Variants in CCNY observed in about 807,000 individuals in gnomAD.
The protein encoded by CCNY is cyclin Y, also known as cyclin-Y.
CCNY carries 19 observed loss-of-function variants against 42.8 expected under a neutral mutation model. That is an observed-to-expected ratio of 0.44 (90% CI 0.31 to 0.65). The LOEUF (loss-of-function observed/expected upper bound fraction) is 0.65, where lower values mean the gene tolerates loss of function less well. Ranked by LOEUF, CCNY falls within the 30% of genes least tolerant of loss-of-function variation. CCNY has a pLI of 0.07. For synonymous variants in CCNY, 165 were observed against 162.7 expected (o/e 1.01, Z -0.11); for missense variants, 370 against 437.3 (o/e 0.85, Z 1.37).
At chr10:35,357,025 T>C (rs1836568234) in intron 1 of CCNY, among the ~76,000 whole-genome samples, 1 of 152,220 alleles carries the variant, frequency 6.6e-6, no homozygotes, top group Non-Finnish European at 1.5e-5. Flanking sequence ...TTTGTCTGTC[T>C]CAGGCTCTGT....
chr10:35,401,678 G>A (rs1837648189), intron 1 of CCNY, among the ~76,000 whole-genome samples: 1 of 151,954 alleles, frequency 6.6e-6, no homozygotes, highest in Non-Finnish European at 1.5e-5. Context: ...TTTCACCTGG[G>A]TGCAGGCGGG....
chr10:35,298,314 C>T (rs1206566287), intron 3 of CCNY, among the ~76,000 whole-genome samples: 1 of 152,172 alleles, frequency 6.6e-6, no homozygotes, highest in Admixed American at 6.5e-5. Context: ...TTGCAACAAT[C>T]CCAACCCAAC....
chr10:35,371,744 C>T (rs1348367200), intron 1 of CCNY, among the ~76,000 whole-genome samples: 1 of 151,990 alleles, frequency 6.6e-6, no homozygotes, highest in African/African-American at 2.4e-5. Flanking sequence ...CTGTGAGGCA[C>T]GGGGAGAAGC....
intron 7 of CCNY, among the ~76,000 whole-genome samples, chr10:35,548,507 A>T (rs991538599): frequency 1.3e-5 from 2 of 152,022 alleles, no homozygotes; most frequent in South Asian, 4.1e-4. Context: ...CATGTTGGCC[A>T]GGATGGTCTC....
intron 1 of CCNY, among the ~76,000 whole-genome samples, chr10:35,389,488 G>A (rs1248125951): frequency 6.8e-6 from 1 of 146,986 alleles, no homozygotes; most frequent in Non-Finnish European, 1.5e-5. Flanking sequence ...TTGCCAGGCT[G>A]GAGTGCAGTG....
In CCNY at chr10:35,534,974, C is replaced by CAT. The variant is rs763722293; in HGVS notation, c.579+4743_579+4744dup. Among the ~76,000 whole-genome samples the CAT allele has an allele frequency of 9.9e-4, 133 of 134,808 alleles. 1 individual carries two copies. The highest frequency in any genetic ancestry group is 2.1e-3 in the African/African-American group (76 of 35,358). 88.4% of individuals were successfully genotyped at this position (134,808 alleles called of 152,430 possible). ...ATACATACACACACACACACACACA[C>CAT]ATATATATATATAGATCTATATATA... is the stretch of plus-strand genomic sequence containing the variant. On this transcript the variant is annotated intron_variant, in intron 7 of 9. Transcript: ENST00000374704.
rs564147452 is a variant in CCNY at position 35,384,396 on chromosome 10, G to T, written c.154+47189G>T. Among the ~76,000 whole-genome samples, 6 of 152,246 alleles carry T rather than the reference G, an allele frequency of 3.9e-5. No individual in the cohort carries two copies. The East Asian group carries it at 1.2e-3, about 29-fold the overall frequency. On this transcript the variant is annotated intron_variant, in intron 1 of 9. Coordinates refer to ENST00000374704, the MANE Select transcript of CCNY (RefSeq NM_145012.6). ...GAATAGTCAGTTACGTATTCCTCTGGAACTCAGTAAATCAACACTTTACCT... is the reference window on the plus strand; with the variant it reads ...GAATAGTCAGTTACGTATTCCTCTGTAACTCAGTAAATCAACACTTTACCT...
At chr10:35,372,456 G>A (rs1004703795) in intron 1 of CCNY, among the ~76,000 whole-genome samples, 3 of 152,188 alleles carry the variant, frequency 2.0e-5, no homozygotes, top group Admixed American at 6.5e-5. Context: ...CAGGGTGTGC[G>A]GAGGTCATGC....
At chr10:35,352,864 C>T (rs1405589053) in intron 1 of CCNY, among the ~76,000 whole-genome samples, 1 of 152,168 alleles carries the variant, frequency 6.6e-6, no homozygotes, top group Non-Finnish European at 1.5e-5. Context: ...AAGGCCAAGG[C>T]AGGCACAGGG....
chr10:35,301,340 C>T (rs1835531008), intron 3 of CCNY, among the ~76,000 whole-genome samples: 1 of 152,148 alleles, frequency 6.6e-6, no homozygotes, highest in Admixed American at 6.5e-5. Flanking sequence ...TTATCTATTT[C>T]CATTAACACT....
intron 1 of CCNY, among the ~76,000 whole-genome samples, chr10:35,403,472 T>G (rs1332878803): frequency 6.6e-6 from 1 of 152,170 alleles, no homozygotes; most frequent in Non-Finnish European, 1.5e-5. Flanking sequence ...TCTGCCTGCT[T>G]CTTTAGCTAC....
chr10:35,395,495 G>T (rs1474569364), intron 1 of CCNY, among the ~76,000 whole-genome samples: 1 of 152,122 alleles, frequency 6.6e-6, no homozygotes, highest in Non-Finnish European at 1.5e-5. Flanking sequence ...GAGGATTCTT[G>T]CTGAGGATAA....
chr10:35,513,397 G>A (rs1840361826), intron 3 of CCNY, among the ~76,000 whole-genome samples: 1 of 152,048 alleles, frequency 6.6e-6, no homozygotes, highest in Non-Finnish European at 1.5e-5. Flanking sequence ...ATAGGGTGAT[G>A]CCCATCCTTT....
rs1188205883 is a variant in CCNY, at chr10:35,256,159, AT to A, written c.-9+5538del. ...GCTTTATCTATGCTGCTAATCTCTG[AT>A]TTTTGATTGGAGAATTTAATTCATT... On this transcript the variant is annotated intron_variant, in intron 3 of 11. Coordinates refer to the CCNY transcript ENST00000374706. Among the ~76,000 whole-genome samples the A allele has an allele frequency of 2.0e-4, 31 of 152,072 alleles. 1 individual carries two copies. Among genetic ancestry groups the A allele is most frequent in the South Asian group, 4.1e-4 (2 of 4,830 alleles).
intron 7 of CCNY, among the ~76,000 whole-genome samples, chr10:35,534,143 T>G (rs950391463): frequency 6.6e-6 from 1 of 152,072 alleles, no homozygotes; most frequent in Non-Finnish European, 1.5e-5. Flanking sequence ...TGCCTCAGCC[T>G]TCTGAGTAGC....
At chr10:35,277,170 T>C (rs1835249220) in intron 3 of CCNY, among the ~76,000 whole-genome samples, 1 of 152,212 alleles carries the variant, frequency 6.6e-6, no homozygotes, top group Admixed American at 6.6e-5. Context: ...ACTTGACCTG[T>C]TACTGGTCTT....
chr10:35,568,573 C>A (rs1406502970), intron 9 of CCNY, among the ~76,000 whole-genome samples: 1 of 152,228 alleles, frequency 6.6e-6, no homozygotes, highest in Non-Finnish European at 1.5e-5. Context: ...TCTGTGGAGT[C>A]CCTAGCTGGT....
intron 1 of CCNY, among the ~76,000 whole-genome samples, chr10:35,387,098 G>T (rs1183493808): frequency 6.6e-6 from 1 of 152,064 alleles, no homozygotes; most frequent in Non-Finnish European, 1.5e-5. Flanking sequence ...TATTCTAGAG[G>T]TGAATCTATT....
intron 3 of CCNY, among the ~76,000 whole-genome samples, chr10:35,502,582 A>G (rs1010960585): frequency 1.3e-5 from 2 of 152,196 alleles, no homozygotes; most frequent in African/African-American, 2.4e-5. Flanking sequence ...GTGTTAATAT[A>G]TATGCACATA....
Sources: allele counts gnomAD v4.1 joint callset (sites outside exome capture counted in the v4.1 genomes callset), GRCh38; gene constraint gnomAD v4.1.1; transcripts MANE v1.5; gene names NCBI Gene and HGNC (gene_info 2026-07-23, HGNC 2026-07-21).